The following USP25 variants were observed in gnomAD, a reference collection of about 807,000 sequenced individuals.
USP25 encodes the protein ubiquitin carboxyl-terminal hydrolase 25.
A neutral mutation model predicts 158.5 loss-of-function variants in USP25; 85 were observed. That is an observed-to-expected ratio of 0.54 (90% CI 0.45 to 0.64). USP25 has a LOEUF of 0.64. Ranked by LOEUF, USP25 falls within the 30% of genes least tolerant of loss-of-function variation. The pLI, the probability that USP25 is intolerant of heterozygous loss-of-function variation, is 0.00. For synonymous variants in USP25, 464 were observed against 460.4 expected, an observed-to-expected ratio of 1.01 and a Z score of -0.10; for missense variants, 1,242 against 1,327.3, an observed-to-expected ratio of 0.94 and a Z score of 1.00.
At chr21:15,737,978 G>A (rs781459663) in intron 1 of USP25, among the ~76,000 whole-genome samples, 17 of 152,086 alleles carry the variant, frequency 1.1e-4, no homozygotes, top group African/African-American at 3.9e-4. Flanking sequence ...AAAATATGGA[G>A]TTTTCAAATT....
chr21:15,763,551 G>A (rs1390444401), intron 2 of USP25, among the ~76,000 whole-genome samples: 1 of 152,010 alleles, frequency 6.6e-6, no homozygotes. Flanking sequence ...ATATCATATG[G>A]ATACTCACAT....
Position 15,847,735 on chromosome 21 carries a change from A to T in USP25, c.2410A>T (p.Lys804Ter). The T allele has an allele frequency of 6.5e-7, 1 of 1,550,174 alleles. No homozygotes were observed. The highest frequency in any genetic ancestry group is 1.4e-5 in the African/African-American group (1 of 73,108). ...VVEVAIPHVG[K>*]FMIESKEGGY... ...AGAGGTGGCGATCCCTCATGTAGGG[A>T]AATTTATGATTGAATCAAAGGAGGG... The change falls in exon 19 of 26, where the codon AAA becomes TAA. Residue 804 changes from lysine to a stop codon, truncating the protein, a stop_gained. Transcript: ENST00000400183. LOFTEE classifies it high-confidence loss of function.
intron 10 of USP25, among the ~76,000 whole-genome samples, chr21:15,820,663 A>G (rs1346989430): frequency 2.0e-5 from 3 of 151,994 alleles, no homozygotes; most frequent in Non-Finnish European, 4.4e-5. Context: ...TATTTAAATT[A>G]TAGTCTTATT....
Position 15,745,473 on chromosome 21 carries a change from CTTTTTTTTTTT to C in USP25, c.45+15044_45+15054del, listed in dbSNP as rs11284817. 1.4e-3 allele frequency among the ~76,000 whole-genome samples: 153 copies of C among 112,998 alleles called. No individual in the cohort carries two copies. The East Asian group carries it at 0.031, about 23-fold the overall frequency. 74.1% of individuals were successfully genotyped at this position (112,998 alleles called of 152,430 possible). ...ACCATTTTCTTTTTCTTTTTCTTTT[CTTTTTTTTTTT>C]TTTTTTTTGTGACGGAATTTCACTC... is the stretch of plus-strand genomic sequence containing the variant. On this transcript the variant is annotated intron_variant, in intron 1 of 25. Coordinates refer to ENST00000400183, the MANE Select transcript of USP25 (RefSeq NM_001283041.3).
intron 17 of USP25, among the ~76,000 whole-genome samples, chr21:15,833,793 C>T (rs1168971801): frequency 6.6e-6 from 1 of 152,144 alleles, no homozygotes; most frequent in Non-Finnish European, 1.5e-5. Context: ...TCTACCTACT[C>T]TGCCTGTGTT....
At chr21:15,731,398 A>G (rs2030882237) in intron 1 of USP25, among the ~76,000 whole-genome samples, 1 of 152,104 alleles carries the variant, frequency 6.6e-6, no homozygotes, top group Non-Finnish European at 1.5e-5. Flanking sequence ...GTGATCAACC[A>G]CCAGAGTTAT....
chr21:15,739,446 A>G (rs1387088047), intron 1 of USP25, among the ~76,000 whole-genome samples: 2 of 152,032 alleles, frequency 1.3e-5, no homozygotes, highest in Non-Finnish European at 2.9e-5. Flanking sequence ...CTTTCACCCT[A>G]GGTATCCTGG....
chr21:15,874,628 T>A, intron 24 of USP25, 102 bp downstream of exon 24: 1 of 1,205,916 alleles, frequency 8.3e-7, no homozygotes, highest in Admixed American at 2.5e-5. Context: ...TCTGAGGGGA[T>A]AAGAACATGA....
chr21:15,869,979 T>C, intron 22 of USP25, 89 bp from the exon 23 acceptor site: 2 of 891,260 alleles, frequency 2.2e-6, no homozygotes, highest in Non-Finnish European at 3.4e-6. Context: ...ATTCAGATAG[T>C]AGCGAAACAG....
At chr21:15,824,014 T>C in intron 10 of USP25, 25 bp from the exon 11 acceptor site, 1 of 1,601,962 alleles carries the variant, frequency 6.2e-7, no homozygotes, top group South Asian at 1.1e-5. Context: ...ATTAAAGTTT[T>C]TGTTATTGTT....
chr21:15,861,465 C>T lies in USP25; in HGVS notation c.2548-2803C>T, dbSNP rs533354115. Among the ~76,000 whole-genome samples, 207 of 152,158 alleles carry T rather than the reference C, an allele frequency of 1.4e-3. 1 individual carries two copies. The highest frequency in any genetic ancestry group is 3.7e-3 in the African/African-American group (153 of 41,528). On this transcript the variant is annotated intron_variant, in intron 20 of 25. Transcript: ENST00000400183. Reference sequence around the variant, plus strand: ...GTGATAATTAACTTAAAATAATTAGCATAGACCGCCAAAAAATATGGGCAA... The same window carrying T: ...GTGATAATTAACTTAAAATAATTAGTATAGACCGCCAAAAAATATGGGCAA...
intron 24 of USP25, 23 bp downstream of exon 24, chr21:15,874,549 G>T: frequency 6.4e-7 from 1 of 1,561,482 alleles, no homozygotes; most frequent in Non-Finnish European, 8.6e-7. Flanking sequence ...CATATAGTAT[G>T]ATCTTATCAT....
intron 20 of USP25, among the ~76,000 whole-genome samples, chr21:15,861,803 G>T (rs1295270897): frequency 6.6e-6 from 1 of 152,052 alleles, no homozygotes; most frequent in African/African-American, 2.4e-5. Context: ...TTGCATTTAT[G>T]GTGGTAAAAA....
At chr21:15,813,746 G>A (rs1293867395) in intron 9 of USP25, among the ~76,000 whole-genome samples, 1 of 151,880 alleles carries the variant, frequency 6.6e-6, no homozygotes, top group African/African-American at 2.4e-5. Flanking sequence ...TCAAAATTAA[G>A]CCCCTTTAAA....
chr21:15,878,655 G>T lies in USP25; in HGVS notation c.*180G>T, dbSNP rs1396911526. On this transcript the variant is annotated 3_prime_UTR_variant, in exon 26 of 26. Coordinates refer to ENST00000400183, the MANE Select transcript of USP25 (RefSeq NM_001283041.3). ...ACTGCAGACAATAAAGCTGAAAATCGCATGGCGCTCAGACATTTTAACCGG... is the reference window on the plus strand; with the variant it reads ...ACTGCAGACAATAAAGCTGAAAATCTCATGGCGCTCAGACATTTTAACCGG... 1.6e-5 allele frequency: 8 copies of T among 511,314 alleles called. No homozygotes were observed. Among genetic ancestry groups the T allele is most frequent in the Admixed American group, 4.2e-5 (1 of 23,974 alleles). The allele number at this position is 511,314 out of a possible 1,614,324, so 31.7% of individuals were successfully genotyped here.
intron 9 of USP25, among the ~76,000 whole-genome samples, chr21:15,812,905 C>T (rs942088737): frequency 2.6e-5 from 4 of 152,014 alleles, no homozygotes; most frequent in African/African-American, 9.7e-5. Flanking sequence ...CAAAGTACCC[C>T]CACTGCAAAA....
At chr21:15,784,171 G>C (rs1289551439) in intron 4 of USP25, among the ~76,000 whole-genome samples, 1 of 152,214 alleles carries the variant, frequency 6.6e-6, no homozygotes, top group Non-Finnish European at 1.5e-5. Flanking sequence ...GAATACCCCA[G>C]TGCTGTAATG....
At chr21:15,853,614 T>C (rs2038995537) in intron 20 of USP25, among the ~76,000 whole-genome samples, 1 of 152,198 alleles carries the variant, frequency 6.6e-6, no homozygotes, top group Admixed American at 6.5e-5. Flanking sequence ...TTAAAATACT[T>C]TTCTTAGTAA....
chr21:15,744,026 T>C lies in USP25; in HGVS notation c.45+13588T>C, dbSNP rs1334679014. On this transcript the variant is annotated intron_variant, in intron 1 of 25. Transcript: ENST00000400183. ...CTTACAGAACTGACAGTGTTTCCAT[T>C]CTTGCTGGGTGGCGCCAGGAGGAGA... 2.6e-5 allele frequency: 4 copies of C among 155,438 alleles called. No homozygotes were observed. In the East Asian group the frequency reaches 7.7e-4, roughly 30 times the overall value. The allele number at this position is 155,438 out of a possible 1,614,324, so 9.6% of individuals were successfully genotyped here. A position where few individuals can be genotyped will look rare whatever the true frequency, so the allele number is the denominator to read the frequency against.
Sources: gnomAD v4.1 joint callset for allele counts (sites outside exome capture counted in the v4.1 genomes callset) on GRCh38, gnomAD v4.1.1 for gene constraint, MANE v1.5 for transcripts, NCBI Gene and HGNC (gene_info 2026-07-23, HGNC 2026-07-21) for gene names.